The following ZNF394 variants were observed in gnomAD, a reference collection of about 807,000 sequenced individuals.
The protein encoded by ZNF394 is zinc finger protein 394.
Under a neutral mutation model 21.8 loss-of-function variants are expected in ZNF394, and 19 were observed. The ratio of observed to expected loss-of-function variants is 0.87; its 90% confidence interval spans 0.61 to 1.28. The LOEUF is 1.28. ZNF394 is among the 50% of genes most tolerant of loss of function. ZNF394 has a pLI of 0.00. For synonymous variants in ZNF394, 294 were observed against 273.3 expected, an observed-to-expected ratio of 1.08 and a Z score of -0.75; for missense variants, 683 against 708.6, an observed-to-expected ratio of 0.96 and a Z score of 0.41.
chr7:99,493,465 C>T lies in ZNF394; in HGVS notation c.*64G>A, dbSNP rs1173240087. 1.4e-6 allele frequency: 2 copies of T among 1,385,232 alleles called. No individual in the cohort carries two copies. The highest frequency in any genetic ancestry group is 1.4e-5 in the South Asian group (1 of 72,280). The allele number at this position is 1,385,232 out of a possible 1,614,324, so 85.8% of individuals were successfully genotyped here. On this transcript the variant is annotated 3_prime_UTR_variant, in exon 3 of 3. Transcript: ENST00000337673. The stretch of plus-strand genomic sequence containing the variant: ...AGAGACAGGATTTTACCATGTTGGC[C>T]AGGCTGGTTTCAAACTCCTGATCTC...
rs1409200049 is a variant in ZNF394 at position 99,493,402 on chromosome 7, A to G, written c.*127T>C. 1 of 1,007,546 alleles carries G rather than the reference A, an allele frequency of 9.9e-7. No individual in the cohort carries two copies. The highest frequency in any genetic ancestry group is 1.4e-6 in the Non-Finnish European group (1 of 708,810). 62.4% of individuals were successfully genotyped at this position (1,007,546 alleles called of 1,614,324 possible). A position where few individuals can be genotyped will look rare whatever the true frequency, so the allele number is the denominator to read the frequency against. On this transcript the variant is annotated 3_prime_UTR_variant, in exon 3 of 3. Transcript: ENST00000337673. ...CTCCCGAATAGCTGGGCTTACAGGC[A>G]TGCACCACCATGCCCGGCTCATTTT...
downstream of ZNF394, among the ~76,000 whole-genome samples, chr7:99,490,146 CTTTTTTTTTTTT>C (rs943034221): frequency 2.2e-5 from 2 of 89,194 alleles, no homozygotes; most frequent in Admixed American, 2.8e-4. Context: ...AAAACCTCAT[CTTTTTTTTTTTT>C]TTTTTTTTTT....
downstream of ZNF394, among the ~76,000 whole-genome samples, chr7:99,488,745 T>C (rs1464183824): frequency 6.6e-6 from 1 of 150,942 alleles, no homozygotes; most frequent in Non-Finnish European, 1.5e-5. Context: ...CTAGCCAAGA[T>C]GGTGAAACCC....
At chr7:99,488,197 G>A (rs907045551) in intron 1 of ZNF394, among the ~76,000 whole-genome samples, 7 of 151,924 alleles carry the variant, frequency 4.6e-5, no homozygotes, top group African/African-American at 1.2e-4. Flanking sequence ...AAGCTGTGCC[G>A]TGTGGTTGCC....
At chr7:99,497,155 T>TAA (rs1554380777) in intron 2 of ZNF394, among the ~76,000 whole-genome samples, 1,345 of 132,332 alleles carry the variant, frequency 0.01, 45 homozygotes, top group East Asian at 0.079. Flanking sequence ...TATATATATA[T>TAA]AAAATGTTTT....
chr7:99,500,025 C>G lies in ZNF394; in HGVS notation c.69G>C (p.Ala23=), dbSNP rs760498183. The change falls in exon 1 of 3, where the codon GCG becomes GCC. Residue 23 remains alanine, a synonymous_variant. Transcript: ENST00000337673. ...DAELGPWVMA[A]RSKDAAPSQR... ...GGGACGGCGCCGCGTCCTTGGACCT[C>G]GCAGCCATCACCCAGGGTCCCAACT... The G allele has an allele frequency of 1.2e-6, 2 of 1,604,298 alleles. No individual in the cohort carries two copies. The highest frequency in any genetic ancestry group is 2.2e-5 in the East Asian group (1 of 44,834).
chr7:99,492,608 C>G (rs941541607), downstream of ZNF394, among the ~76,000 whole-genome samples: 3 of 148,356 alleles, frequency 2.0e-5, no homozygotes, highest in Non-Finnish European at 4.5e-5. Flanking sequence ...CCACTACACT[C>G]CAGCCTGGGT....
downstream of ZNF394, among the ~76,000 whole-genome samples, chr7:99,491,632 C>T (rs543655385): frequency 2.0e-5 from 3 of 151,628 alleles, no homozygotes; most frequent in South Asian, 2.1e-4. Context: ...AAAAATCAGC[C>T]GGGTGTGGTG....
At chr7:99,486,744 TG>T in exon 2 of ZNF394, 1 of 1,614,214 alleles carries the variant, frequency 6.2e-7, no homozygotes, top group Non-Finnish European at 8.5e-7. Context: ...ATGATGAGGA[TG>T]GCAAACCCTT....
At chr7:99,490,257 C>G (rs900347769), downstream of ZNF394, among the ~76,000 whole-genome samples, 1 of 147,296 alleles carries the variant, frequency 6.8e-6, no homozygotes, top group Non-Finnish European at 1.5e-5. Context: ...TGGGTTCAAG[C>G]GATTCTCCTG....
At chr7:99,499,398 G>GAA (rs376340266) in intron 1 of ZNF394, among the ~76,000 whole-genome samples, 11 of 103,400 alleles carry the variant, frequency 1.1e-4, no homozygotes, top group African/African-American at 2.8e-4. Flanking sequence ...AGAACAACAA[G>GAA]AAAAAAAAAA....
chr7:99,491,879 C>G (rs1800169229), downstream of ZNF394, among the ~76,000 whole-genome samples: 1 of 151,072 alleles, frequency 6.6e-6, no homozygotes, highest in African/African-American at 2.4e-5. Flanking sequence ...TCCAGACCAT[C>G]CTGGCTAACA....
chr7:99,496,922 T>C (rs1187119725), intron 2 of ZNF394, among the ~76,000 whole-genome samples: 1 of 151,286 alleles, frequency 6.6e-6, no homozygotes, highest in Non-Finnish European at 1.5e-5. Flanking sequence ...TTAGTATTGC[T>C]GGTGGCATAT....
At chr7:99,495,823 T>A (rs1021333824) in intron 2 of ZNF394, among the ~76,000 whole-genome samples, 1 of 152,154 alleles carries the variant, frequency 6.6e-6, no homozygotes, top group Non-Finnish European at 1.5e-5. Context: ...GGTTTCACCA[T>A]GTTGGTCAGG....
downstream of ZNF394, among the ~76,000 whole-genome samples, chr7:99,489,906 G>A (rs1800124539): frequency 6.6e-6 from 1 of 152,046 alleles, no homozygotes; most frequent in African/African-American, 2.4e-5. Context: ...TCAGGAGGCT[G>A]AGACAGGAGA....
intron 2 of ZNF394, among the ~76,000 whole-genome samples, chr7:99,497,134 A>G (rs1283765071): frequency 2.5e-4 from 32 of 128,788 alleles, no homozygotes; most frequent in African/African-American, 9.9e-4. Flanking sequence ...ATATATATAT[A>G]TATATATGTA....
intron 1 of ZNF394, chr7:99,487,204 C>T: frequency 1.2e-6 from 2 of 1,614,152 alleles, no homozygotes; most frequent in Non-Finnish European, 1.7e-6. Context: ...TCTATGTCAT[C>T]AACAGATTCA....
downstream of ZNF394, among the ~76,000 whole-genome samples, chr7:99,491,050 G>A (rs1800151536): frequency 6.6e-6 from 1 of 152,008 alleles, no homozygotes; most frequent in Admixed American, 6.6e-5. Flanking sequence ...TCAAGCAGAG[G>A]CCTCTATTAC....
At chr7:99,487,162 T>C in intron 1 of ZNF394, 1 of 1,614,094 alleles carries the variant, frequency 6.2e-7, no homozygotes, top group South Asian at 1.1e-5. Flanking sequence ...ATGCCTTGAG[T>C]GTGGAAAAGC....
Sources: gnomAD v4.1 joint callset for allele counts (sites outside exome capture counted in the v4.1 genomes callset) on GRCh38, gnomAD v4.1.1 for gene constraint, MANE v1.5 for transcripts, NCBI Gene and HGNC (gene_info 2026-07-23, HGNC 2026-07-21) for gene names.